The following MOV10 variants were observed in gnomAD, a reference collection of about 807,000 sequenced individuals.
MOV10 encodes Mov10 RNA helicase, also known as RNA helicase MOV-10.
Under a neutral mutation model 108.4 loss-of-function variants are expected in MOV10, and 39 were observed. That is an observed-to-expected ratio of 0.36 (90% CI 0.28 to 0.47). The LOEUF (loss-of-function observed/expected upper bound fraction) is 0.47. MOV10 is among the 20% of genes least tolerant of loss of function. The probability of loss-of-function intolerance (pLI) is 1.00; values close to 1 mark genes in which losing one functional copy is unlikely to be tolerated. For synonymous variants in MOV10, 490 were observed against 523.1 expected (o/e 0.94, Z 0.86); for missense variants, 952 against 1,297.6 (o/e 0.73, Z 4.09).
At chr1:112,682,414 G>T (rs1672731988) in intron 2 of MOV10, among the ~76,000 whole-genome samples, 1 of 152,074 alleles carries the variant, frequency 6.6e-6, no homozygotes, top group African/African-American at 2.4e-5. Flanking sequence ...GTGGAGATGG[G>T]GTCTGTCTAT....
intron 16 of MOV10, 110 bp downstream of exon 16, chr1:112,698,588 G>T (rs534819391): frequency 3.5e-6 from 5 of 1,438,720 alleles, no homozygotes; most frequent in Admixed American, 1.8e-5. Flanking sequence ...TGCTGGCTCC[G>T]TATCTCAGAA....
At chr1:112,686,149 T>C (rs150508548) in intron 2 of MOV10, among the ~76,000 whole-genome samples, 1 of 152,178 alleles carries the variant, frequency 6.6e-6, no homozygotes, top group African/African-American at 2.4e-5. Context: ...GCCACTTTTC[T>C]TGGAGGTTGC....
Position 112,700,688 on chromosome 1 carries a change from G to A in MOV10, c.*181G>A, listed in dbSNP as rs1401611032. The A allele has an allele frequency of 6.5e-7, 1 of 1,527,222 alleles. No homozygotes were observed. The highest frequency in any genetic ancestry group is 1.2e-5 in the South Asian group (1 of 81,460). The allele number at this position is 1,527,222 out of a possible 1,614,324, so 94.6% of individuals were successfully genotyped here. On this transcript the variant is annotated 3_prime_UTR_variant, in exon 21 of 21. Transcript: ENST00000369645. ...TGACACATCAAGCTGCTAACAATTG[G>A]GGGAAGGGGAAGGAAGAAAACTCTG...
intron 14 of MOV10, 96 bp downstream of exon 14, chr1:112,696,942 G>GC: frequency 9.6e-7 from 1 of 1,043,614 alleles, no homozygotes; most frequent in Non-Finnish European, 1.4e-6. Flanking sequence ...CAGTCCTGTT[G>GC]CTCAGAGGTT....
chr1:112,680,278 A>C (rs1257270799), intron 2 of MOV10, among the ~76,000 whole-genome samples: 1 of 152,130 alleles, frequency 6.6e-6, no homozygotes, highest in African/African-American at 2.4e-5. Flanking sequence ...GGGTTTAATT[A>C]ATTGCTCCTA....
At chr1:112,677,389 TAAAGAAC>T (rs1166761121) in intron 2 of MOV10, among the ~76,000 whole-genome samples, 82 of 151,916 alleles carry the variant, frequency 5.4e-4, no homozygotes, top group African/African-American at 1.8e-3. Context: ...ATGTTCAGAT[TAAAGAAC>T]TTGCCTACAC....
At position 112,682,954 on chromosome 1, in the gene MOV10, C is replaced by G. The variant is rs915944349; in HGVS notation, c.138-5981C>G. On this transcript the variant is annotated intron_variant, in intron 2 of 20. Coordinates refer to ENST00000369645, the MANE Select transcript of MOV10 (RefSeq NM_001321324.2). ...TTTTTTTTTGAGACGGAGTCTTGCT[C>G]TGTTGCCCAGGCTAGAGTGCAATGG... 3.6e-5 allele frequency among the ~76,000 whole-genome samples: 5 copies of G among 140,678 alleles called. No homozygotes were observed. The South Asian group carries it at 1.1e-3, about 31-fold the overall frequency. 92.3% of individuals were successfully genotyped at this position (140,678 alleles called of 152,430 possible).
At chr1:112,683,537 C>A (rs1672830516) in intron 2 of MOV10, among the ~76,000 whole-genome samples, 1 of 152,088 alleles carries the variant, frequency 6.6e-6, no homozygotes, top group Non-Finnish European at 1.5e-5. Flanking sequence ...CAGGGTCTTG[C>A]TATGTTTCCC....
chr1:112,689,246 C>T, intron 3 of MOV10, 108 bp downstream of exon 3: 2 of 1,306,962 alleles, frequency 1.5e-6, no homozygotes, highest in Non-Finnish European at 2.2e-6. Flanking sequence ...ATAAGTCCCC[C>T]TCCTTCAGGG....
intron 2 of MOV10, among the ~76,000 whole-genome samples, chr1:112,680,228 A>G (rs989272382): frequency 2.0e-5 from 3 of 152,160 alleles, no homozygotes; most frequent in Non-Finnish European, 4.4e-5. Context: ...TGTGTTTTAT[A>G]TGCATAGAAA....
intron 2 of MOV10, among the ~76,000 whole-genome samples, chr1:112,680,476 G>A (rs1198532586): frequency 1.3e-5 from 2 of 151,526 alleles, no homozygotes; most frequent in African/African-American, 2.4e-5. Flanking sequence ...CTAACACGGT[G>A]AAACCCCATC....
Position 112,694,056 on chromosome 1 carries a change from G to A in MOV10, c.1179G>A (p.Arg393=). 4 of 1,614,004 alleles carry A rather than the reference G, an allele frequency of 2.5e-6. No homozygotes were observed. The highest frequency in any genetic ancestry group is 3.3e-4 in the Middle Eastern group (2 of 6,062). The change falls in exon 8 of 21, where the codon CGG becomes CGA. Residue 393 remains arginine (R), a synonymous_variant. Coordinates refer to ENST00000369645, the MANE Select transcript of MOV10 (RefSeq NM_001321324.2). This position sits in a 1 kb window ranked among gnomAD's most constrained non-coding sequence, Gnocchi z 4.1. ...CTGAGAGCCGCCCCTCAGTGCTACG[G>A]GGCGACCACCTGTTTGCCCTTTTGT... The part of the protein sequence containing the change: ...GVTESRPSVL[R]GDHLFALLSS...
intron 2 of MOV10, among the ~76,000 whole-genome samples, chr1:112,686,341 T>C (rs573056230): frequency 6.6e-6 from 1 of 152,320 alleles, no homozygotes; most frequent in East Asian, 1.9e-4. Flanking sequence ...TAAGAAGCCC[T>C]TGTGAAAGTT....
Position 112,698,023 on chromosome 1 carries a change from A to T in MOV10, c.2228A>T (p.Asn743Ile). The T allele has an allele frequency of 6.2e-7, 1 of 1,614,106 alleles. No individual in the cohort carries two copies. Among genetic ancestry groups the T allele is most frequent in the Non-Finnish European group, 8.5e-7 (1 of 1,179,982 alleles). Residue 743 changes from asparagine (N) to isoleucine (I), a missense_variant, in exon 15 of 21, where the codon AAC becomes ATC. Physicochemically the swap from Asn to Ile is moderately radical, Grantham distance 149. Coordinates refer to ENST00000369645, the MANE Select transcript of MOV10 (RefSeq NM_001321324.2). ...RSHPTILDIPNQLYYEGELQA... is the reference protein window; with the variant it reads ...RSHPTILDIPIQLYYEGELQA... The stretch of plus-strand genomic sequence containing the variant: ...CATCCCACCATCCTGGACATTCCTA[A>T]CCAGCTCTATTATGAAGGGGAGCTG...
chr1:112,693,462 C>T (rs535783799), intron 7 of MOV10, among the ~76,000 whole-genome samples: 177 of 152,240 alleles, frequency 1.2e-3, no homozygotes, highest in Non-Finnish European at 1.8e-3. Context: ...CTTTAATCCC[C>T]GCCGCCCGGG....
At chr1:112,697,138 A>T (rs1275433122) in intron 14 of MOV10, among the ~76,000 whole-genome samples, 2 of 152,116 alleles carry the variant, frequency 1.3e-5, no homozygotes, top group Non-Finnish European at 2.9e-5. Context: ...TGAAGTTTTC[A>T]GGCAATCCAA....
intron 2 of MOV10, 60 bp from the exon 3 acceptor site, chr1:112,688,875 C>T (rs758889492): frequency 2.1e-5 from 33 of 1,606,784 alleles, no homozygotes; most frequent in African/African-American, 2.7e-5. Context: ...TCCCACCCGC[C>T]GCCCTGCCTC....
In MOV10 at chr1:112,675,075, C is replaced by G; in HGVS notation, c.137+26C>G. The stretch of plus-strand genomic sequence containing the variant: ...GTACGGGCCGGCCCACTCCCGGCCC[C>G]GAATCGCGGGCCCAGCTTGCTGCCA... On this transcript the variant is annotated intron_variant, in intron 2 of 20. Transcript: ENST00000369645. The surrounding 1 kb of genome is among the most constrained non-coding windows in gnomAD (Gnocchi z 4.7). 1 of 1,573,488 alleles carries G rather than the reference C, an allele frequency of 6.4e-7. No homozygotes were observed. The highest frequency in any genetic ancestry group is 8.6e-7 in the Non-Finnish European group (1 of 1,163,512).
chr1:112,689,381 A>ACCCCC, intron 3 of MOV10, 34 bp from the exon 4 acceptor site: 2 of 738,784 alleles, frequency 2.7e-6, no homozygotes, highest in Admixed American at 1.9e-5. Flanking sequence ...GACCGCTCCC[A>ACCCCC]CCCCAACCCC....
Sources: gnomAD v4.1 joint callset for allele counts (sites outside exome capture counted in the v4.1 genomes callset) on GRCh38, gnomAD v4.1.1 for gene constraint, Gnocchi (gnomAD v3.1) non-coding constraint, MANE v1.5 for transcripts, NCBI Gene and HGNC (gene_info 2026-07-23, HGNC 2026-07-21) for gene names.